Variants in YME1L1 observed in about 807,000 individuals in gnomAD.
The protein encoded by YME1L1 is YME1 like 1 ATPase, also known as ATP-dependent zinc metalloprotease YME1L1.
YME1L1 carries 39 observed loss-of-function variants against 90.4 expected under a neutral mutation model. The observed-to-expected ratio is 0.43, with a 90% CI of 0.33 to 0.56. YME1L1 has a LOEUF of 0.56. Among genes scored for constraint, YME1L1 ranks in the 20% least tolerant of loss-of-function variants. The pLI is 0.03. For missense variants in YME1L1, 617 were observed against 868.4 expected (o/e 0.71, Z 3.64); for synonymous variants, 284 against 287.3 (o/e 0.99, Z 0.12).
chr10:27,125,641 ATT>A (rs199852948), intron 9 of YME1L1, among the ~76,000 whole-genome samples: 12 of 134,124 alleles, frequency 8.9e-5, no homozygotes, highest in African/African-American at 8.3e-5. Context: ...TAAATGTCCT[ATT>A]TTTTTTTTTT....
At position 27,120,427 on chromosome 10, in the gene YME1L1, A is replaced by C; in HGVS notation, c.1411+8T>G. On this transcript the variant is annotated splice_region_variant and intron_variant, in intron 13 of 18. Transcript: ENST00000376016. ...ACAGAAATGACAAATGTTTGTTTTG[A>C]TACTTACATTGATCAAACTTTATTT... is the stretch of plus-strand genomic sequence containing the variant. 6.3e-7 allele frequency: 1 copy of C among 1,591,750 alleles called. No homozygotes were observed. Among genetic ancestry groups the C allele is most frequent in the Non-Finnish European group, 8.6e-7 (1 of 1,160,624 alleles).
At chr10:27,119,255 T>A (rs1357592142) in intron 14 of YME1L1, 39 bp downstream of exon 14, 1 of 1,555,580 alleles carries the variant, frequency 6.4e-7, no homozygotes, top group Non-Finnish European at 8.6e-7. Flanking sequence ...TCTAACACAA[T>A]GAAAAGTAAA....
chr10:27,122,577 T>C (rs1431856550), intron 11 of YME1L1, among the ~76,000 whole-genome samples: 1 of 152,002 alleles, frequency 6.6e-6, no homozygotes, highest in African/African-American at 2.4e-5. Flanking sequence ...TAACAATAAA[T>C]GAGAAAGGAT....
At position 27,114,513 on chromosome 10, in the gene YME1L1, A is replaced by G. The variant is rs779275879; in HGVS notation, c.2007+8T>C. 6.2e-7 allele frequency: 1 copy of G among 1,602,406 alleles called. No individual in the cohort carries two copies. ...AAGAAAATAAATAAGCACAAAAAATATTATTACCCTTAGAAGGATTCTTAT... is the reference window on the plus strand; with the variant it reads ...AAGAAAATAAATAAGCACAAAAAATGTTATTACCCTTAGAAGGATTCTTAT... On this transcript the variant is annotated splice_region_variant and intron_variant, in intron 18 of 18. Transcript: ENST00000376016.
At chr10:27,138,408 T>C (rs1183642309) in intron 4 of YME1L1, among the ~76,000 whole-genome samples, 1 of 152,178 alleles carries the variant, frequency 6.6e-6, no homozygotes, top group African/African-American at 2.4e-5. Context: ...CAAATTTGGG[T>C]GTAAATTGAT....
intron 18 of YME1L1, among the ~76,000 whole-genome samples, chr10:27,113,904 A>G (rs538131037): frequency 2.0e-4 from 31 of 151,372 alleles, no homozygotes; most frequent in African/African-American, 7.5e-4. Flanking sequence ...CAGTGAGCCG[A>G]GATCATGCCA....
rs773695089 is a variant in YME1L1, at chr10:27,119,394, C to T, written c.1467G>A (p.Leu489=). The T allele has an allele frequency of 1.8e-5, 29 of 1,613,450 alleles. No homozygotes were observed. The highest frequency in any genetic ancestry group is 1.6e-4 in the Middle Eastern group (1 of 6,078). The change falls in exon 14 of 19, where the codon TTG becomes TTA. Residue 489 remains leucine (L), a synonymous_variant. Transcript: ENST00000376016. ...RGTVGFSGAE[L]ENLVNQAALK... ...ATGCAGCCTGGTTCACAAGATTCTCCAACTCTGCTCCGGAAAAGCCAACAG... is the reference window on the plus strand; with the variant it reads ...ATGCAGCCTGGTTCACAAGATTCTCTAACTCTGCTCCGGAAAAGCCAACAG...
intron 3 of YME1L1, among the ~76,000 whole-genome samples, chr10:27,144,945 T>C (rs1364310726): frequency 1.3e-5 from 2 of 152,024 alleles, no homozygotes; most frequent in Admixed American, 6.6e-5. Context: ...ATCAAGATCA[T>C]CCTGGCTAAC....
chr10:27,126,523 C>CA lies in YME1L1; in HGVS notation c.949+172dup, dbSNP rs375105533. ...AAAGTATATAAAAACTTGCAGTTAC[C>CA]AAAAAAAAAAGGCTATGGAATTGTA... On this transcript the variant is annotated intron_variant, in intron 9 of 18. Transcript: ENST00000376016. 3.9e-3 allele frequency among the ~76,000 whole-genome samples: 543 copies of CA among 139,170 alleles called. 3 individuals carry two copies. The highest frequency in any genetic ancestry group is 0.011 in the Admixed American group (152 of 14,042). The allele number at this position is 139,170 out of a possible 152,430, so 91.3% of individuals were successfully genotyped here. A position where few individuals can be genotyped will look rare whatever the true frequency, so the allele number is the denominator to read the frequency against.
intron 1 of YME1L1, among the ~76,000 whole-genome samples, chr10:27,150,432 A>T (rs1306165114): frequency 6.6e-6 from 1 of 152,154 alleles, no homozygotes; most frequent in Non-Finnish European, 1.5e-5. Flanking sequence ...TGAGGCTGAG[A>T]CCTACTGGGT....
In YME1L1 at chr10:27,111,942, A is replaced by G. The variant is rs1451302118; in HGVS notation, c.*35T>C. ...ACTGCAATGCTACTTGTATTCTTGC[A>G]ATAAAACCAGCAAGCATCCATATCA... On this transcript the variant is annotated 3_prime_UTR_variant, in exon 19 of 19. Transcript: ENST00000376016. 1 of 1,613,054 alleles carries G rather than the reference A, an allele frequency of 6.2e-7. No homozygotes were observed. Among genetic ancestry groups the G allele is most frequent in the African/African-American group, 1.3e-5 (1 of 74,920 alleles).
At chr10:27,128,758 A>T (rs981264157) in intron 8 of YME1L1, among the ~76,000 whole-genome samples, 3 of 151,628 alleles carry the variant, frequency 2.0e-5, no homozygotes, top group Admixed American at 6.6e-5. Flanking sequence ...AAACTACAAA[A>T]ATTAGCCAGG....
At position 27,123,662 on chromosome 10, in the gene YME1L1, T is replaced by C; in HGVS notation, c.987A>G (p.Thr329=). 1 of 1,613,586 alleles carries C rather than the reference T, an allele frequency of 6.2e-7. No individual in the cohort carries two copies. The highest frequency in any genetic ancestry group is 8.5e-7 in the Non-Finnish European group (1 of 1,179,730). Residue 329 remains threonine, a synonymous_variant, in exon 10 of 19, where the codon ACA becomes ACG. Coordinates refer to ENST00000376016, the MANE Select transcript of YME1L1 (RefSeq NM_014263.4). The stretch of plus-strand genomic sequence containing the variant: ...CTCCCGCCACAGCTCGGGCAAGAAG[T>C]GTCTTTCCAGTCCCTGGGGGTCCAA... ...LLVGPPGTGK[T]LLARAVAGEA... is the part of the protein sequence containing the mutation.
chr10:27,119,169 G>A (rs550642334), intron 14 of YME1L1, 125 bp downstream of exon 14: 5 of 1,000,110 alleles, frequency 5.0e-6, no homozygotes, highest in Admixed American at 5.8e-5. Context: ...AGACACTGAA[G>A]TTTTAGAGTA....
chr10:27,134,727 T>G lies in YME1L1; in HGVS notation c.691+104A>C, dbSNP rs2057009371. 16 of 1,163,634 alleles carry G rather than the reference T, an allele frequency of 1.4e-5. No homozygotes were observed. In the Middle Eastern group the frequency reaches 9.2e-4, roughly 67 times the overall value. 72.1% of individuals were successfully genotyped at this position (1,163,634 alleles called of 1,614,324 possible). ...ATTAAGTTACAAATATAGTGGAATT[T>G]AATCAATAGATGGTCTTAGAAAAGT... On this transcript the variant is annotated intron_variant, in intron 6 of 18. Coordinates refer to ENST00000376016, the MANE Select transcript of YME1L1 (RefSeq NM_014263.4).
At chr10:27,125,476 A>AC (rs2056908754) in intron 9 of YME1L1, among the ~76,000 whole-genome samples, 1 of 151,154 alleles carries the variant, frequency 6.6e-6, no homozygotes, top group Non-Finnish European at 1.5e-5. Context: ...AAAAAAAAAA[A>AC]ACAATAAAAG....
chr10:27,112,060 C>T lies in YME1L1; in HGVS notation c.2068G>A (p.Ala690Thr), dbSNP rs1367928646. 14 of 1,613,984 alleles carry T rather than the reference C, an allele frequency of 8.7e-6. No homozygotes were observed. Among genetic ancestry groups the T allele is most frequent in the South Asian group, 1.1e-5 (1 of 91,068 alleles). ...GTCTCATAGGTCAATAAAGCTTCTG[C>T]GAGATTCTTATGCTCCTTTGCATGA... is the stretch of plus-strand genomic sequence containing the variant. The part of the protein sequence containing the change: ...KTHAKEHKNL[A>T]EALLTYETLD... The change falls in exon 19 of 19, where the codon GCA becomes ACA. Residue 690 changes from alanine (A) to threonine (T), a missense_variant. Ala to Thr is a moderately conservative substitution (Grantham distance 58). This residue lies in a region of YME1L1 where 212 missense variants were observed against 330.0 expected (regional missense o/e 0.64). Coordinates refer to ENST00000376016, the MANE Select transcript of YME1L1 (RefSeq NM_014263.4).
At chr10:27,137,384 T>C (rs762923330) in intron 4 of YME1L1, among the ~76,000 whole-genome samples, 41 of 152,372 alleles carry the variant, frequency 2.7e-4, no homozygotes, top group Non-Finnish European at 4.1e-4. Context: ...ACCATTTCCC[T>C]GAACATTATT....
At chr10:27,135,529 T>C (rs558287905) in intron 5 of YME1L1, among the ~76,000 whole-genome samples, 14 of 152,282 alleles carry the variant, frequency 9.2e-5, no homozygotes, top group East Asian at 3.9e-4. Flanking sequence ...TTACAGAGAA[T>C]AGGACATCTA....
Sources: allele counts gnomAD v4.1 joint callset (sites outside exome capture counted in the v4.1 genomes callset), GRCh38; gene constraint gnomAD v4.1.1; regional missense constraint gnomAD v4.1.1; transcripts MANE v1.5; gene names NCBI Gene and HGNC (gene_info 2026-07-23, HGNC 2026-07-21).